TNKS: variants seen among roughly 807,000 people sequenced by gnomAD.
TNKS encodes tankyrase.
In TNKS, 72 loss-of-function variants were observed where a neutral mutation model predicts 135.8. The ratio of observed to expected loss-of-function variants is 0.53; its 90% CI spans 0.44 to 0.64. The LOEUF (loss-of-function observed/expected upper bound fraction) is 0.64. Among genes scored for constraint, TNKS ranks in the 30% least tolerant of loss-of-function variants. TNKS has a pLI of 0.00. For missense variants in TNKS, 1,769 were observed against 1,674.0 expected (o/e 1.06, Z -0.99); for synonymous variants, 849 against 649.3 (o/e 1.31, Z -4.68).
In TNKS at chr8:9,770,209, C is replaced by T; in HGVS notation, c.3844C>T (p.Pro1282Ser). The change falls in exon 26 of 27, where the codon CCG becomes TCG. Residue 1282 changes from proline to serine, a missense_variant. Pro to Ser is a moderately conservative substitution (Grantham distance 74, BLOSUM62 -1). Transcript: ENST00000310430. ...PPGHHSVIGR[P>S]SVNGLAYAEY... is the part of the protein sequence containing the mutation. Reference sequence around the variant, plus strand: ...AGGGCACCACTCAGTCATTGGTAGACCGAGCGTCAATGGGCTGGCATATGC... The same window carrying T: ...AGGGCACCACTCAGTCATTGGTAGATCGAGCGTCAATGGGCTGGCATATGC... 1.9e-6 allele frequency: 3 copies of T among 1,613,410 alleles called. No individual in the cohort carries two copies. Among genetic ancestry groups the T allele is most frequent in the Non-Finnish European group, 1.7e-6 (2 of 1,179,934 alleles).
At chr8:9,673,627 G>T (rs1340217593) in intron 3 of TNKS, among the ~76,000 whole-genome samples, 1 of 151,770 alleles carries the variant, frequency 6.6e-6, no homozygotes, top group Non-Finnish European at 1.5e-5. Context: ...TGTGTTTTTA[G>T]TAGAGAGGAG....
chr8:9,763,909 G>A (rs1255159053), intron 22 of TNKS, among the ~76,000 whole-genome samples: 1 of 152,124 alleles, frequency 6.6e-6, no homozygotes, highest in Non-Finnish European at 1.5e-5. Flanking sequence ...TGTTTAATTA[G>A]TGCTCATTTT....
chr8:9,712,288 T>G (rs1804376024), intron 11 of TNKS, among the ~76,000 whole-genome samples: 1 of 152,100 alleles, frequency 6.6e-6, no homozygotes, highest in Non-Finnish European at 1.5e-5. Context: ...GACACCAGCC[T>G]GGGCAACACA....
At chr8:9,643,436 C>A (rs1169826734) in intron 3 of TNKS, among the ~76,000 whole-genome samples, 7 of 113,972 alleles carry the variant, frequency 6.1e-5, no homozygotes, top group Non-Finnish European at 1.3e-4. Context: ...TAAATGGCTT[C>A]TGCGATAATA....
chr8:9,638,262 G>A (rs1480783153), intron 3 of TNKS, among the ~76,000 whole-genome samples: 1 of 152,204 alleles, frequency 6.6e-6, no homozygotes, highest in African/African-American at 2.4e-5. Flanking sequence ...GATACAAGGT[G>A]CTGCCTCCAG....
intron 26 of TNKS, among the ~76,000 whole-genome samples, chr8:9,771,562 A>G (rs1254194588): frequency 7.4e-6 from 1 of 135,268 alleles, no homozygotes; most frequent in African/African-American, 2.9e-5. Flanking sequence ...CAAGGGAGAA[A>G]GCGAGAGAGG....
chr8:9,694,773 A>C (rs1327987106), intron 5 of TNKS, among the ~76,000 whole-genome samples: 3 of 152,164 alleles, frequency 2.0e-5, no homozygotes, highest in Admixed American at 1.3e-4. Flanking sequence ...AAAAAAAAAA[A>C]AAAAAGATAT....
intron 4 of TNKS, 71 bp downstream of exon 4, chr8:9,680,058 C>G: frequency 8.6e-7 from 1 of 1,156,918 alleles, no homozygotes; most frequent in South Asian, 1.2e-5. Context: ...AGGTGGAGGA[C>G]TATAAAAAAT....
intron 5 of TNKS, among the ~76,000 whole-genome samples, chr8:9,696,020 A>G (rs1803499547): frequency 1.3e-5 from 2 of 152,234 alleles, no homozygotes; most frequent in Admixed American, 1.3e-4. Flanking sequence ...CAGTTGGATT[A>G]TAGCATATGA....
rs1804256016 is a variant in TNKS at position 9,710,226 on chromosome 8, GCA to G, written c.1749+12_1749+13del. 5 of 1,613,802 alleles carry G rather than the reference GCA, an allele frequency of 3.1e-6. 1 individual carries two copies. Among genetic ancestry groups the G allele is most frequent in the Non-Finnish European group, 4.2e-6 (5 of 1,179,712 alleles). On this transcript the variant is annotated splice_region_variant and intron_variant, in intron 11 of 26. Coordinates refer to ENST00000310430, the MANE Select transcript of TNKS (RefSeq NM_003747.3). ...TGCATAAGCATGGCGCCAAGGTGAG[GCA>G]CACACCTGAGCAGAGTGCCAGACTC...
chr8:9,765,436 T>A (rs999147114), intron 23 of TNKS, among the ~76,000 whole-genome samples: 2 of 145,992 alleles, frequency 1.4e-5, no homozygotes, highest in Non-Finnish European at 3.0e-5. Context: ...TTTTTACCTA[T>A]TTTTTTTTTT....
intron 13 of TNKS, among the ~76,000 whole-genome samples, chr8:9,729,243 T>A (rs1003488360): frequency 6.6e-6 from 1 of 152,172 alleles, no homozygotes; most frequent in African/African-American, 2.4e-5. Context: ...CTTAACACTA[T>A]TGCATTGGAG....
intron 25 of TNKS, among the ~76,000 whole-genome samples, chr8:9,766,629 G>A (rs1807466763): frequency 6.6e-6 from 1 of 151,992 alleles, no homozygotes; most frequent in Non-Finnish European, 1.5e-5. Flanking sequence ...GGGATTACAG[G>A]CACCTGCCAC....
intron 18 of TNKS, among the ~76,000 whole-genome samples, chr8:9,750,422 T>G (rs1009554497): frequency 1.3e-5 from 2 of 152,252 alleles, no homozygotes; most frequent in African/African-American, 4.8e-5. Flanking sequence ...ACCAGTCCAG[T>G]TGACAAGGCA....
intron 5 of TNKS, among the ~76,000 whole-genome samples, chr8:9,703,546 T>C (rs549192453): frequency 2.0e-5 from 3 of 152,336 alleles, no homozygotes; most frequent in Middle Eastern, 3.4e-3. Context: ...TCTTCTAATC[T>C]GAATGGTCTC....
intron 2 of TNKS, among the ~76,000 whole-genome samples, chr8:9,582,959 G>C (rs959231890): frequency 3.9e-5 from 6 of 151,996 alleles, no homozygotes; most frequent in Non-Finnish European, 7.4e-5. Context: ...GAGGTCAGGA[G>C]ATCGAGACCA....
chr8:9,710,234 C>T lies in TNKS; in HGVS notation c.1749+14C>T, dbSNP rs1277271089. On this transcript the variant is annotated intron_variant, in intron 11 of 26. Coordinates refer to ENST00000310430, the MANE Select transcript of TNKS (RefSeq NM_003747.3). ...CATGGCGCCAAGGTGAGGCACACAC[C>T]TGAGCAGAGTGCCAGACTCAGCACT... 6.2e-7 allele frequency: 1 copy of T among 1,613,676 alleles called. No homozygotes were observed. The highest frequency in any genetic ancestry group is 8.5e-7 in the Non-Finnish European group (1 of 1,179,738).
At chr8:9,644,431 T>G (rs1422084764) in intron 3 of TNKS, among the ~76,000 whole-genome samples, 4 of 152,254 alleles carry the variant, frequency 2.6e-5, no homozygotes. Flanking sequence ...TCATTTGATA[T>G]TTGCATGCTG....
In TNKS at chr8:9,753,795, G is replaced by A. The variant is rs142716581; in HGVS notation, c.3153+1169G>A. On this transcript the variant is annotated intron_variant, in intron 20 of 26. Transcript: ENST00000310430. Reference sequence around the variant, plus strand: ...TGTAATAGAATGCTTGTAACTTAAAGTGTGCCAAAATCTGCCCGTAGGTAT... The same window carrying A: ...TGTAATAGAATGCTTGTAACTTAAAATGTGCCAAAATCTGCCCGTAGGTAT... Among the ~76,000 whole-genome samples the A allele has an allele frequency of 2.5e-3, 376 of 152,304 alleles. 3 individuals carry two copies. The highest frequency in any genetic ancestry group is 8.8e-3 in the African/African-American group (365 of 41,572).
Sources: allele counts gnomAD v4.1 joint callset (sites outside exome capture counted in the v4.1 genomes callset), GRCh38; gene constraint gnomAD v4.1.1; transcripts MANE v1.5; gene names NCBI Gene and HGNC (gene_info 2026-07-23, HGNC 2026-07-21).